The following CACNA2D3 variants were observed in gnomAD, a reference collection of about 807,000 sequenced individuals.
The protein encoded by CACNA2D3 is calcium voltage-gated channel auxiliary subunit alpha2delta 3.
Under a neutral mutation model 160.6 loss-of-function variants are expected in CACNA2D3, and 60 were observed. The ratio of observed to expected loss-of-function variants is 0.37; its 90% CI spans 0.30 to 0.46. The LOEUF (loss-of-function observed/expected upper bound fraction) is 0.46. CACNA2D3 is among the 20% of genes least tolerant of loss of function. The pLI is 1.00. For missense variants in CACNA2D3, 1,205 were observed against 1,365.0 expected, an observed-to-expected ratio of 0.88 and a Z score of 1.85; for synonymous variants, 558 against 492.9, an observed-to-expected ratio of 1.13 and a Z score of -1.75.
intron 3 of CACNA2D3, among the ~76,000 whole-genome samples, chr3:54,334,060 C>T (rs1390697665): frequency 3.3e-5 from 5 of 152,190 alleles, no homozygotes; most frequent in African/African-American, 1.2e-4. Context: ...GACTTTGCCC[C>T]AGTCATTTGT....
intron 35 of CACNA2D3, among the ~76,000 whole-genome samples, chr3:55,035,158 G>A (rs1434457213): frequency 1.3e-5 from 2 of 152,138 alleles, no homozygotes; most frequent in African/African-American, 4.8e-5. Flanking sequence ...AAGCCTGTTT[G>A]TAATTTAAAT....
chr3:54,955,400 G>A (rs959601547), intron 27 of CACNA2D3, among the ~76,000 whole-genome samples: 3 of 152,016 alleles, frequency 2.0e-5, no homozygotes, highest in African/African-American at 7.2e-5. Context: ...GATCTTTCCT[G>A]GTTATTTGAT....
chr3:54,717,054 C>T (rs1402022405), intron 11 of CACNA2D3, among the ~76,000 whole-genome samples: 2 of 152,082 alleles, frequency 1.3e-5, no homozygotes, highest in African/African-American at 2.4e-5. Flanking sequence ...CTTCTATCTC[C>T]ATGGGTTAGT....
chr3:54,940,241 A>G (rs1411941482), intron 27 of CACNA2D3, among the ~76,000 whole-genome samples: 1 of 152,194 alleles, frequency 6.6e-6, no homozygotes, highest in Non-Finnish European at 1.5e-5. Context: ...TAGCTCTTGG[A>G]AGACTGCAAC....
intron 3 of CACNA2D3, among the ~76,000 whole-genome samples, chr3:54,349,916 G>A (rs535820296): frequency 1.3e-5 from 2 of 152,322 alleles, no homozygotes; most frequent in Admixed American, 6.5e-5. Context: ...CTGCCATGAC[G>A]TAAATTCTCT....
intron 11 of CACNA2D3, among the ~76,000 whole-genome samples, chr3:54,720,087 A>C (rs2106985094): frequency 6.6e-6 from 1 of 152,092 alleles, no homozygotes; most frequent in South Asian, 2.1e-4. Context: ...ATTTTCAAGA[A>C]GTAACTTTTT....
rs1164208113 is a variant in CACNA2D3, at chr3:54,816,848, T to G, written c.1381-5T>G. On this transcript the variant is annotated splice_polypyrimidine_tract_variant and splice_region_variant and intron_variant, in intron 13 of 37. Transcript: ENST00000474759. Reference sequence around the variant, plus strand: ...TTTTTGTTTTGTTTTGTTTTCCCCCTTCAGCTCCCTCAGGCACAAAAGGTA... The same window carrying G: ...TTTTTGTTTTGTTTTGTTTTCCCCCGTCAGCTCCCTCAGGCACAAAAGGTA... The G allele has an allele frequency of 6.2e-7, 1 of 1,613,602 alleles. No homozygotes were observed. Among genetic ancestry groups the G allele is most frequent in the Admixed American group, 1.7e-5 (1 of 59,980 alleles).
intron 4 of CACNA2D3, among the ~76,000 whole-genome samples, chr3:54,455,182 A>G (rs935022910): frequency 6.6e-6 from 1 of 152,090 alleles, no homozygotes; most frequent in African/African-American, 2.4e-5. Context: ...ACTGTTTTCC[A>G]TAATGTCTGT....
At chr3:54,351,728 C>T (rs1698568337) in intron 3 of CACNA2D3, among the ~76,000 whole-genome samples, 1 of 152,198 alleles carries the variant, frequency 6.6e-6, no homozygotes, top group Admixed American at 6.5e-5. Context: ...TGCCTACCAC[C>T]CTATATAATA....
At chr3:54,840,235 C>A (rs1698789246) in intron 16 of CACNA2D3, among the ~76,000 whole-genome samples, 1 of 151,968 alleles carries the variant, frequency 6.6e-6, no homozygotes, top group African/African-American at 2.4e-5. Context: ...CCTTTGTGTC[C>A]ATTTCTCCAA....
chr3:54,153,728 T>C (rs189681671), intron 2 of CACNA2D3, among the ~76,000 whole-genome samples: 18 of 152,356 alleles, frequency 1.2e-4, no homozygotes, highest in Admixed American at 1.0e-3. Flanking sequence ...CAATGGTTTT[T>C]CCTTATATGG....
chr3:54,706,097 G>A (rs1239884527), intron 11 of CACNA2D3, among the ~76,000 whole-genome samples: 1 of 152,188 alleles, frequency 6.6e-6, no homozygotes, highest in Non-Finnish European at 1.5e-5. Context: ...TTGAAGTCCA[G>A]TTCTTCCATG....
intron 4 of CACNA2D3, among the ~76,000 whole-genome samples, chr3:54,428,923 T>C (rs916181423): frequency 6.6e-6 from 1 of 152,244 alleles, no homozygotes; most frequent in African/African-American, 2.4e-5. Flanking sequence ...GAAAAATCTG[T>C]CTTACCATTG....
intron 3 of CACNA2D3, among the ~76,000 whole-genome samples, chr3:54,334,897 C>T (rs1704341011): frequency 6.6e-6 from 1 of 152,200 alleles, no homozygotes; most frequent in Non-Finnish European, 1.5e-5. Context: ...CTGTCCTAGT[C>T]ATTTAATAGC....
intron 12 of CACNA2D3, among the ~76,000 whole-genome samples, chr3:54,756,691 C>T (rs986461991): frequency 3.3e-5 from 5 of 152,132 alleles, no homozygotes; most frequent in Non-Finnish European, 2.9e-5. Context: ...AGGGCTCTCA[C>T]GTTGTCCCTG....
chr3:54,604,140 G>C (rs1703115874), intron 9 of CACNA2D3, among the ~76,000 whole-genome samples: 1 of 152,040 alleles, frequency 6.6e-6, no homozygotes, highest in Admixed American at 6.6e-5. Flanking sequence ...TGAGTTAAAT[G>C]GTATTTAACT....
intron 5 of CACNA2D3, among the ~76,000 whole-genome samples, chr3:54,535,228 C>G (rs1163649960): frequency 6.6e-6 from 1 of 152,224 alleles, no homozygotes; most frequent in Admixed American, 6.5e-5. Flanking sequence ...TCTACTGAAT[C>G]AAATACTCTG....
intron 2 of CACNA2D3, among the ~76,000 whole-genome samples, chr3:54,223,851 CAAAA>C (rs60397787): frequency 1.0e-5 from 1 of 96,710 alleles, no homozygotes; most frequent in African/African-American, 4.0e-5. Flanking sequence ...GACTCTGTCT[CAAAA>C]AAAAAAAAAA....
intron 5 of CACNA2D3, among the ~76,000 whole-genome samples, chr3:54,515,070 C>G (rs1403860827): frequency 6.6e-6 from 1 of 152,094 alleles, no homozygotes; most frequent in Non-Finnish European, 1.5e-5. Context: ...CCAAGAGATT[C>G]TGCTGAGCTG....
Sources: allele counts gnomAD v4.1 joint callset (sites outside exome capture counted in the v4.1 genomes callset), GRCh38; gene constraint gnomAD v4.1.1; transcripts MANE v1.5; gene names NCBI Gene and HGNC (gene_info 2026-07-23, HGNC 2026-07-21).